The following AKT3 variants were observed in gnomAD, a reference collection of about 807,000 sequenced individuals.
AKT3 encodes AKT serine/threonine kinase 3, also known as RAC-gamma serine/threonine-protein kinase.
A neutral mutation model predicts 65.3 loss-of-function variants in AKT3; 15 were observed. The ratio of observed to expected loss-of-function variants is 0.23; its 90% CI spans 0.15 to 0.35. The LOEUF is 0.35. AKT3 is among the 10% of genes least tolerant of loss of function. The pLI, the probability that AKT3 is intolerant of heterozygous loss-of-function variation, is 1.00. For missense variants in AKT3, 243 were observed against 576.5 expected (o/e 0.42, Z 5.92); for synonymous variants, 206 against 183.8 (o/e 1.12, Z -0.98).
intron 2 of AKT3, among the ~76,000 whole-genome samples, chr1:243,737,147 C>A (rs1687890563): frequency 6.6e-6 from 1 of 152,278 alleles, no homozygotes; most frequent in South Asian, 2.1e-4. Flanking sequence ...CGGATCTCAG[C>A]TTCAAGCTCA....
chr1:243,683,661 G>T (rs536909449), intron 3 of AKT3, among the ~76,000 whole-genome samples: 1 of 152,210 alleles, frequency 6.6e-6, no homozygotes, highest in Non-Finnish European at 1.5e-5. Flanking sequence ...AGACAGAAAG[G>T]GGGGAAGGCA....
chr1:243,720,054 T>A (rs1686780594), intron 2 of AKT3, among the ~76,000 whole-genome samples: 1 of 152,134 alleles, frequency 6.6e-6, no homozygotes, highest in African/African-American at 2.4e-5. Flanking sequence ...GCCTCACACC[T>A]GTAATCCCAG....
At chr1:243,565,782 A>C (rs1446889836) in intron 9 of AKT3, among the ~76,000 whole-genome samples, 4 of 152,152 alleles carry the variant, frequency 2.6e-5, no homozygotes, top group Non-Finnish European at 5.9e-5. Context: ...CCACTTTGCC[A>C]TAATGAGAAA....
At chr1:243,642,862 T>A (rs1042885709) in intron 5 of AKT3, among the ~76,000 whole-genome samples, 1 of 152,062 alleles carries the variant, frequency 6.6e-6, no homozygotes. Context: ...AATAAACATA[T>A]AATCAATGAG....
chr1:243,608,521 G>C (rs934794537), intron 8 of AKT3, among the ~76,000 whole-genome samples: 3 of 151,990 alleles, frequency 2.0e-5, no homozygotes, highest in South Asian at 4.1e-4. Context: ...TGCCATTTTG[G>C]TATTATGAAC....
chr1:243,760,861 G>A (rs1689450354), intron 2 of AKT3, among the ~76,000 whole-genome samples: 1 of 152,074 alleles, frequency 6.6e-6, no homozygotes, highest in Non-Finnish European at 1.5e-5. Flanking sequence ...CTTCATTCAG[G>A]CATGAGTTAT....
At chr1:243,610,696 C>T (rs1163654814) in intron 8 of AKT3, among the ~76,000 whole-genome samples, 1 of 152,176 alleles carries the variant, frequency 6.6e-6, no homozygotes, top group Non-Finnish European at 1.5e-5. Context: ...TCCCTGGCCA[C>T]TCAGTTTATT....
Position 243,758,307 on chromosome 1 carries a change from C to T in AKT3, c.47-62591G>A, listed in dbSNP as rs886664821. 2.0e-5 allele frequency among the ~76,000 whole-genome samples: 3 copies of T among 152,096 alleles called. No individual in the cohort carries two copies. The South Asian group carries it at 6.2e-4, about 32-fold the overall frequency. ...AATACTTTGGGGAAGACTAAAGTAA[C>T]CAAGGGAAGTCTCATTGAGACGGCA... On this transcript the variant is annotated intron_variant, in intron 2 of 13. Coordinates refer to ENST00000673466, the MANE Select transcript of AKT3 (RefSeq NM_005465.7).
chr1:243,733,228 GC>G (rs1229906353), intron 2 of AKT3, among the ~76,000 whole-genome samples: 9 of 152,052 alleles, frequency 5.9e-5, no homozygotes, highest in African/African-American at 2.2e-4. Context: ...AATACTAAAG[GC>G]AAAATTCAAA....
Position 243,512,411 on chromosome 1 carries a change from TA to T in AKT3, c.1266del (p.Phe422LeufsTer5). On this transcript the variant is annotated frameshift_variant, in exon 13 of 14. Transcript: ENST00000673466. LOFTEE classifies it high-confidence loss of function. Reference sequence around the variant, plus strand: ...TCTGTCTCAGATGTTACTTGAGGTTTAAAAGGAGGTACAAGCTGTAAAAAGA... The same window carrying T: ...TCTGTCTCAGATGTTACTTGAGGTTTAAAGGAGGTACAAGCTGTAAAAAGA... Reference protein sequence around the residue: ...DVYDKKLVPPFKPQVTSETDT... With the variant: ...DVYDKKLVPPXKPQVTSETDT... 1.3e-6 allele frequency: 2 copies of T among 1,574,400 alleles called. No homozygotes were observed. Among genetic ancestry groups the T allele is most frequent in the African/African-American group, 1.4e-5 (1 of 73,568 alleles).
intron 6 of AKT3, among the ~76,000 whole-genome samples, chr1:243,627,917 A>G (rs763650938): frequency 6.6e-6 from 1 of 152,232 alleles, no homozygotes; most frequent in Non-Finnish European, 1.5e-5. Flanking sequence ...ACAGCAGGCT[A>G]TTATCTAAGT....
At chr1:243,636,662 C>T (rs1467745733) in intron 6 of AKT3, among the ~76,000 whole-genome samples, 1 of 152,042 alleles carries the variant, frequency 6.6e-6, no homozygotes, top group East Asian at 1.9e-4. Context: ...TCCTCAGTTA[C>T]TGTGATAAGC....
chr1:243,842,835 G>A (rs1010296067), intron 2 of AKT3, among the ~76,000 whole-genome samples: 3 of 152,060 alleles, frequency 2.0e-5, no homozygotes, highest in Non-Finnish European at 4.4e-5. Context: ...CCAGATTACA[G>A]AACCTGTAGA....
chr1:243,572,938 G>A lies in AKT3; in HGVS notation c.807C>T (p.Tyr269=), dbSNP rs150205993. Residue 269 remains tyrosine, a synonymous_variant, in exon 9 of 14, where the codon TAC becomes TAT. Transcript: ENST00000673466. The part of the protein sequence containing the change: ...LDYLHSGKIV[Y]RDLKLENLML... The stretch of plus-strand genomic sequence containing the variant: ...TTTTTTTTTTTACCTTGAGATCACG[G>A]TACACAATCTTTCCGGAATGTAGAT... 6.6e-5 allele frequency: 106 copies of A among 1,608,170 alleles called. No homozygotes were observed. In the African/African-American group the frequency reaches 1.3e-3, roughly 20 times the overall value.
intron 2 of AKT3, among the ~76,000 whole-genome samples, chr1:243,776,778 G>T (rs1690579699): frequency 6.6e-6 from 1 of 152,206 alleles, no homozygotes; most frequent in Non-Finnish European, 1.5e-5. Context: ...CTGTTCCGCT[G>T]ATGTCTCTGA....
At position 243,636,505 on chromosome 1, in the gene AKT3, T is replaced by C. The variant is rs374638660; in HGVS notation, c.561+1106A>G. The stretch of plus-strand genomic sequence containing the variant: ...CAGCTAGGATGCTAAATACCTTACA[T>C]ATCCCAATCCTCAAAATATTCCTGT... On this transcript the variant is annotated intron_variant, in intron 6 of 13. Transcript: ENST00000673466. Among the ~76,000 whole-genome samples the C allele has an allele frequency of 1.8e-4, 28 of 152,180 alleles. No individual in the cohort carries two copies. In the East Asian group the frequency reaches 2.3e-3, roughly 13 times the overall value.
intron 6 of AKT3, among the ~76,000 whole-genome samples, chr1:243,615,791 G>C (rs984399873): frequency 6.6e-6 from 1 of 151,946 alleles, no homozygotes; most frequent in Admixed American, 6.6e-5. Flanking sequence ...GAGTACAGTG[G>C]TACAATCACA....
chr1:243,583,205 C>T (rs1334609572), intron 8 of AKT3, among the ~76,000 whole-genome samples: 12 of 142,242 alleles, frequency 8.4e-5, no homozygotes, highest in African/African-American at 3.0e-4. Flanking sequence ...TACACACACA[C>T]ACACACACAT....
At chr1:243,511,494 AGAG>A (rs200181448) in intron 13 of AKT3, among the ~76,000 whole-genome samples, 1,753 of 152,304 alleles carry the variant, frequency 0.012, 31 homozygotes, top group African/African-American at 0.04. Context: ...AAAAGGAATG[AGAG>A]GAGAAGACAT....
Sources: allele counts gnomAD v4.1 joint callset (sites outside exome capture counted in the v4.1 genomes callset), GRCh38; gene constraint gnomAD v4.1.1; transcripts MANE v1.5; gene names NCBI Gene and HGNC (gene_info 2026-07-23, HGNC 2026-07-21).